Variants in C1D observed in about 807,000 individuals in gnomAD.
C1D encodes the protein C1D nuclear receptor corepressor.
C1D carries 10 observed loss-of-function variants against 17.5 expected under a neutral mutation model. The observed-to-expected ratio is 0.57, with a 90% CI of 0.35 to 0.97. C1D has a LOEUF of 0.97. Ranked by LOEUF, C1D falls within the 50% of genes least tolerant of loss-of-function variation. The probability of loss-of-function intolerance (pLI) is 0.01; values close to 1 mark genes in which losing one functional copy is unlikely to be tolerated. For missense variants in C1D, 136 were observed against 160.1 expected, an observed-to-expected ratio of 0.85 and a Z score of 0.81; for synonymous variants, 49 against 54.0, an observed-to-expected ratio of 0.91 and a Z score of 0.40.
intron 1 of C1D, chr2:68,053,277 C>A: frequency 1.4e-6 from 2 of 1,433,662 alleles, no homozygotes; most frequent in Non-Finnish European, 1.9e-6. Context: ...CCACTCAGTC[C>A]TTCCTCTCAC....
chr2:68,054,101 A>G lies in C1D; in HGVS notation c.-9-6782T>C, dbSNP rs544576600. On this transcript the variant is annotated intron_variant, in intron 1 of 4. Coordinates refer to ENST00000410067, the MANE Select transcript of C1D (RefSeq NM_173177.3). ...CCAGTGGCTGACACACAAGGTGACTATAACTCTCAATTTGCCCAAGACAGT... is the reference window on the plus strand; with the variant it reads ...CCAGTGGCTGACACACAAGGTGACTGTAACTCTCAATTTGCCCAAGACAGT... 3.9e-5 allele frequency among the ~76,000 whole-genome samples: 6 copies of G among 152,340 alleles called. No homozygotes were observed. The East Asian group carries it at 1.2e-3, about 29-fold the overall frequency.
At chr2:68,061,407 T>C (rs758809524) in intron 1 of C1D, among the ~76,000 whole-genome samples, 3 of 152,194 alleles carry the variant, frequency 2.0e-5, no homozygotes, top group Non-Finnish European at 4.4e-5. Flanking sequence ...CAAAGTCTAA[T>C]AGGAGAGTAT....
At chr2:68,048,000 C>G (rs923499316) in intron 1 of C1D, among the ~76,000 whole-genome samples, 1 of 151,854 alleles carries the variant, frequency 6.6e-6, no homozygotes, top group Admixed American at 6.6e-5. Context: ...GTCTAAAATA[C>G]GTATCACAGA....
intron 4 of C1D, among the ~76,000 whole-genome samples, chr2:68,043,273 A>G (rs1572877441): frequency 6.6e-6 from 1 of 152,284 alleles, no homozygotes; most frequent in East Asian, 1.9e-4. Context: ...AAGTCATTTC[A>G]GAAGTCTTCT....
At chr2:68,061,236 G>A (rs1370430453) in intron 1 of C1D, among the ~76,000 whole-genome samples, 1 of 152,184 alleles carries the variant, frequency 6.6e-6, no homozygotes, top group Non-Finnish European at 1.5e-5. Context: ...ACAATGAAAT[G>A]TACACACAAG....
chr2:68,051,873 A>C (rs1252536819), intron 1 of C1D, among the ~76,000 whole-genome samples: 1 of 151,874 alleles, frequency 6.6e-6, no homozygotes, highest in African/African-American at 2.4e-5. Flanking sequence ...TACATTCCTC[A>C]ATATCAACTA....
At chr2:68,047,871 A>C (rs1671176730) in intron 1 of C1D, among the ~76,000 whole-genome samples, 1 of 152,238 alleles carries the variant, frequency 6.6e-6, no homozygotes, top group African/African-American at 2.4e-5. Flanking sequence ...TCCCCTAATG[A>C]TTGCTGAAGA....
chr2:68,056,497 C>A (rs912294957), intron 1 of C1D, among the ~76,000 whole-genome samples: 1 of 151,978 alleles, frequency 6.6e-6, no homozygotes, highest in Admixed American at 6.6e-5. Flanking sequence ...ACACCCAAGA[C>A]TAATGTCAAA....
chr2:68,043,991 A>G (rs1671045732), intron 4 of C1D, among the ~76,000 whole-genome samples: 1 of 152,186 alleles, frequency 6.6e-6, no homozygotes, highest in Admixed American at 6.5e-5. Flanking sequence ...CTCTGCCTAG[A>G]AGGATATTTC....
intron 1 of C1D, among the ~76,000 whole-genome samples, chr2:68,058,728 C>T (rs1037104526): frequency 6.6e-6 from 1 of 152,138 alleles, no homozygotes; most frequent in Non-Finnish European, 1.5e-5. Flanking sequence ...CTAACCCTTC[C>T]AGCCTTAACT....
At chr2:68,060,828 G>C (rs189148290) in intron 1 of C1D, among the ~76,000 whole-genome samples, 192 of 152,274 alleles carry the variant, frequency 1.3e-3, no homozygotes, top group African/African-American at 4.3e-3. Flanking sequence ...TTGCTCAAGG[G>C]AAGATTCATG....
chr2:68,053,002 G>C (rs1256119121), intron 1 of C1D: 1 of 1,536,984 alleles, frequency 6.5e-7, no homozygotes, highest in African/African-American at 1.4e-5. Context: ...GCCAAAAGAA[G>C]TTAAAGAACA....
intron 4 of C1D, among the ~76,000 whole-genome samples, chr2:68,043,531 G>A (rs1671031005): frequency 6.6e-6 from 1 of 152,070 alleles, no homozygotes. Context: ...TTACCATCTA[G>A]TGTAACAATT....
At chr2:68,048,357 T>C (rs1014909997) in intron 1 of C1D, among the ~76,000 whole-genome samples, 11 of 152,114 alleles carry the variant, frequency 7.2e-5, no homozygotes, top group African/African-American at 2.4e-4. Flanking sequence ...TGACAGCAAA[T>C]AGCATTGCAG....
At chr2:68,047,037 T>C in intron 2 of C1D, 136 bp downstream of exon 2, 1 of 716,102 alleles carries the variant, frequency 1.4e-6, no homozygotes, top group Non-Finnish European at 2.1e-6. Flanking sequence ...CCCCTAAAAA[T>C]ACCCAAACAC....
At position 68,060,888 on chromosome 2, in the gene C1D, ATTAG is replaced by A. The variant is rs141189745; in HGVS notation, c.-10+2066_-10+2069del. ...TCACTAACATAATGTCTTGTCATGT[ATTAG>A]TTAGTTAGCAACTATTTGTTTACTA... On this transcript the variant is annotated intron_variant, in intron 1 of 4. Transcript: ENST00000410067. 7.2e-3 allele frequency among the ~76,000 whole-genome samples: 1,099 copies of A among 152,328 alleles called. 32 individuals carry two copies. In the East Asian group the frequency reaches 0.1, roughly 14 times the overall value.
chr2:68,046,415 TAAAAA>T lies in C1D; in HGVS notation c.139-10_139-6del. 1.2e-6 allele frequency: 2 copies of T among 1,602,864 alleles called. No individual in the cohort carries two copies. The highest frequency in any genetic ancestry group is 1.7e-6 in the Non-Finnish European group (2 of 1,172,166). ...TGCTTGTTCAAGTGGATCCAACTGTTAAAAAAGAAAGAGAGAGGGAAAGAGAGAAA... is the reference window on the plus strand; with the variant it reads ...TGCTTGTTCAAGTGGATCCAACTGTTAGAAAGAGAGAGGGAAAGAGAGAAA... On this transcript the variant is annotated splice_region_variant and splice_polypyrimidine_tract_variant and intron_variant, in intron 2 of 4. Coordinates refer to ENST00000410067, the MANE Select transcript of C1D (RefSeq NM_173177.3).
At position 68,042,828 on chromosome 2, in the gene C1D, CGGGGGGGGGG is replaced by C. The variant is rs200836844; in HGVS notation, c.*51_*60del. 4.2e-3 allele frequency: 876 copies of C among 206,174 alleles called. 218 individuals carry two copies. The highest frequency in any genetic ancestry group is 0.011 in the South Asian group (263 of 23,162). The allele number at this position is 206,174 out of a possible 1,614,324, so 12.8% of individuals were successfully genotyped here. A position where few individuals can be genotyped will look rare whatever the true frequency, so the allele number is the denominator to read the frequency against. On this transcript the variant is annotated 3_prime_UTR_variant, in exon 5 of 5. Transcript: ENST00000410067. ...CTTGCCCTGCCACAGAATTATTTTG[CGGGGGGGGGG>C]GGGGGGGGGAAGATGTACTTTTTGA...
intron 1 of C1D, among the ~76,000 whole-genome samples, chr2:68,055,146 A>G (rs1173230408): frequency 6.6e-6 from 1 of 152,200 alleles, no homozygotes; most frequent in Non-Finnish European, 1.5e-5. Context: ...GACAACTTAA[A>G]AAAGAATCAC....
Sources: allele counts gnomAD v4.1 joint callset (sites outside exome capture counted in the v4.1 genomes callset), GRCh38; gene constraint gnomAD v4.1.1; transcripts MANE v1.5; gene names NCBI Gene and HGNC (gene_info 2026-07-23, HGNC 2026-07-21).